TTC34: variants seen among roughly 807,000 people sequenced by gnomAD.
TTC34 encodes tetratricopeptide repeat domain 34, also known as tetratricopeptide repeat protein 34.
TTC34 carries 44 observed loss-of-function variants against 40.7 expected under a neutral mutation model. The ratio of observed to expected loss-of-function variants is 1.08; its 90% CI spans 0.85 to 1.39. TTC34 has a LOEUF of 1.39. Among genes scored for constraint, TTC34 ranks in the 40% most tolerant of loss-of-function variants. The pLI is 0.00. For synonymous variants in TTC34, 422 were observed against 398.6 expected, an observed-to-expected ratio of 1.06 and a Z score of -0.70; for missense variants, 884 against 838.0, an observed-to-expected ratio of 1.05 and a Z score of -0.68.
At chr1:2,786,130 G>T in intron 4 of TTC34, 107 bp from the exon 5 acceptor site, 2 of 1,066,572 alleles carry the variant, frequency 1.9e-6, no homozygotes, top group Non-Finnish European at 2.5e-6. Flanking sequence ...ACTGCCCCAG[G>T]GTCCACCTGG....
At chr1:2,749,714 A>T (rs1396744069) in intron 6 of TTC34, among the ~76,000 whole-genome samples, 1 of 86,272 alleles carries the variant, frequency 1.2e-5, no homozygotes, top group Middle Eastern at 5.5e-3. Context: ...AGTCTGGAAC[A>T]GCACGCACAA....
At chr1:2,798,807 C>T (rs1302995353) in intron 2 of TTC34, among the ~76,000 whole-genome samples, 1 of 126,866 alleles carries the variant, frequency 7.9e-6, no homozygotes, top group Non-Finnish European at 1.6e-5. Context: ...GCCTCTCAGC[C>T]TTCAAGCCTC....
rs558042486 is a variant in TTC34 at position 2,694,664 on chromosome 1, C to A, written c.2227-49101G>T. 2.3e-5 allele frequency among the ~76,000 whole-genome samples: 2 copies of A among 85,786 alleles called. 1 individual carries two copies. Among genetic ancestry groups the A allele is most frequent in the East Asian group, 5.4e-4 (2 of 3,714 alleles). 56.3% of individuals were successfully genotyped at this position (85,786 alleles called of 152,430 possible). ...GAGCATCTGACGGCCTGGAACAGCA[C>A]ACACACCGCCAGGTGACCATTGGAC... On this transcript the variant is annotated intron_variant, in intron 6 of 8. Coordinates refer to ENST00000401095, the Ensembl canonical transcript of TTC34.
intron 6 of TTC34, among the ~76,000 whole-genome samples, chr1:2,752,235 G>T (rs1410676761): frequency 9.9e-6 from 1 of 100,938 alleles, no homozygotes; most frequent in Non-Finnish European, 1.9e-5. Context: ...TGACAGACTG[G>T]AACAGCTCCC....
chr1:2,683,152 C>CAT (rs1182628266), intron 6 of TTC34, among the ~76,000 whole-genome samples: 1 of 140,176 alleles, frequency 7.1e-6, no homozygotes, highest in East Asian at 2.0e-4. Context: ...CACGCACAGC[C>CAT]CCAGGAGAGC....
At chr1:2,748,499 T>TCTGAC (rs1641218824) in intron 6 of TTC34, among the ~76,000 whole-genome samples, 33 of 23,306 alleles carry the variant, frequency 1.4e-3, no homozygotes, top group African/African-American at 1.6e-3. Flanking sequence ...GAGCATCCGA[T>TCTGAC]AGCCTGGAGC....
At chr1:2,649,894 G>A (rs578148260) in intron 6 of TTC34, among the ~76,000 whole-genome samples, 3 of 150,096 alleles carry the variant, frequency 2.0e-5, no homozygotes, top group Admixed American at 2.0e-4. Flanking sequence ...GCATCCCCAA[G>A]TGAGCTTCTG....
At position 2,645,758 on chromosome 1, in the gene TTC34, C is replaced by T. The variant is rs1639009771; in HGVS notation, c.2227-195G>A. 6.6e-6 allele frequency among the ~76,000 whole-genome samples: 1 copy of T among 152,184 alleles called. No individual in the cohort carries two copies. Among genetic ancestry groups the T allele is most frequent in the Non-Finnish European group, 1.5e-5 (1 of 68,024 alleles). ...CAGCCTCCTACCATCCCTCCTGATT[C>T]TGGTTAGCATTTGAGGGGACTCAGC... On this transcript the variant is annotated intron_variant, in intron 6 of 8. Transcript: ENST00000401095. The surrounding 1 kb of genome is among the most constrained non-coding windows in gnomAD (Gnocchi z 4.7).
intron 6 of TTC34, among the ~76,000 whole-genome samples, chr1:2,764,500 AC>A (rs1333755416): frequency 3.3e-5 from 5 of 149,372 alleles, no homozygotes; most frequent in African/African-American, 1.2e-4. Context: ...CAGCGTCCAC[AC>A]CCCCAGGTGA....
chr1:2,797,653 C>T (rs142985978), intron 2 of TTC34, among the ~76,000 whole-genome samples: 2 of 152,230 alleles, frequency 1.3e-5, no homozygotes, highest in Non-Finnish European at 2.9e-5. Flanking sequence ...TCGTCTCAGG[C>T]ACTCAGGGAT....
At chr1:2,649,147 C>T (rs1035418268) in intron 6 of TTC34, among the ~76,000 whole-genome samples, 1 of 152,016 alleles carries the variant, frequency 6.6e-6, no homozygotes, top group Non-Finnish European at 1.5e-5. Context: ...TGTCTTACAG[C>T]CTGGAACGGT....
intron 6 of TTC34, among the ~76,000 whole-genome samples, chr1:2,768,141 T>A (rs1218573147): frequency 1.3e-5 from 2 of 151,618 alleles, no homozygotes; most frequent in Admixed American, 6.6e-5. Context: ...GGTAAGAATC[T>A]GAAAGCCTGG....
At chr1:2,750,338 C>T (rs1314708683) in intron 6 of TTC34, among the ~76,000 whole-genome samples, 1 of 74,676 alleles carries the variant, frequency 1.3e-5, no homozygotes, top group Non-Finnish European at 2.3e-5. Context: ...AGGTGAGCCT[C>T]TGACAGCCTT....
intron 6 of TTC34, among the ~76,000 whole-genome samples, chr1:2,751,009 A>ACC (rs1641301421): frequency 1.4e-5 from 1 of 70,126 alleles, no homozygotes; most frequent in Non-Finnish European, 2.6e-5. Flanking sequence ...ACCCACACCG[A>ACC]CAGGTGAGCA....
intron 6 of TTC34, among the ~76,000 whole-genome samples, chr1:2,651,235 C>G (rs959176826): frequency 2.0e-5 from 3 of 151,916 alleles, no homozygotes; most frequent in Admixed American, 6.5e-5. Flanking sequence ...ACTCACACCC[C>G]GAGGTGAATG....
intron 6 of TTC34, among the ~76,000 whole-genome samples, chr1:2,688,162 C>G (rs1357205819): frequency 6.6e-6 from 1 of 152,140 alleles, no homozygotes; most frequent in East Asian, 1.9e-4. Flanking sequence ...GGAAGGGCAC[C>G]CACACCCCCA....
chr1:2,700,374 C>A, intron 6 of TTC34, among the ~76,000 whole-genome samples: 1 of 118,162 alleles, frequency 8.5e-6, no homozygotes, highest in African/African-American at 2.7e-5. Context: ...CGCCCACAAC[C>A]CCAGGTGAGT....
chr1:2,750,056 C>A (rs1407772162), intron 6 of TTC34, among the ~76,000 whole-genome samples: 2 of 107,826 alleles, frequency 1.9e-5, no homozygotes, highest in African/African-American at 4.6e-5. Context: ...CTCAGGTGAG[C>A]ATCTGACAGC....
intron 6 of TTC34, among the ~76,000 whole-genome samples, chr1:2,699,587 T>C (rs1641035239): frequency 1.4e-5 from 2 of 142,706 alleles, no homozygotes; most frequent in Admixed American, 7.1e-5. Context: ...CAGGTGAGCA[T>C]CTGACAGCCT....
Sources: gnomAD v4.1 joint callset for allele counts (sites outside exome capture counted in the v4.1 genomes callset) on GRCh38, gnomAD v4.1.1 for gene constraint, Gnocchi (gnomAD v3.1) non-coding constraint, MANE v1.5 for transcripts, NCBI Gene and HGNC (gene_info 2026-07-23, HGNC 2026-07-21) for gene names.